The following ACSS2 variants were observed in gnomAD, a reference collection of about 807,000 sequenced individuals.
ACSS2 encodes the protein acyl-CoA synthetase short chain family member 2, also known as acetyl-coenzyme A synthetase, cytoplasmic.
ACSS2 carries 58 observed loss-of-function variants against 90.6 expected under a neutral mutation model. That is an observed-to-expected ratio of 0.64 (90% CI 0.52 to 0.80). The LOEUF (loss-of-function observed/expected upper bound fraction) is 0.80. Among genes scored for constraint, ACSS2 ranks in the 30% least tolerant of loss-of-function variants. ACSS2 has a pLI of 0.00. For synonymous variants in ACSS2, 300 were observed against 330.9 expected (o/e 0.91, Z 1.01); for missense variants, 759 against 912.0 (o/e 0.83, Z 2.16).
chr20:34,909,652 CCT>C (rs944960911), intron 2 of ACSS2, among the ~76,000 whole-genome samples: 2 of 151,992 alleles, frequency 1.3e-5, no homozygotes, highest in African/African-American at 4.8e-5. Context: ...TCTTCCTACC[CCT>C]GTTACCCTGT....
At chr20:34,879,496 G>GACACACACAC (rs11467604) in intron 1 of ACSS2, among the ~76,000 whole-genome samples, 1,830 of 147,854 alleles carry the variant, frequency 0.012, 24 homozygotes, top group African/African-American at 0.036. Context: ...TCCAGATTCT[G>GACACACACAC]ACACACACAC....
intron 2 of ACSS2, among the ~76,000 whole-genome samples, chr20:34,900,967 A>T (rs540794442): frequency 6.6e-5 from 10 of 152,340 alleles, no homozygotes; most frequent in African/African-American, 2.4e-4. Context: ...AGACTCAAGA[A>T]CTGTGCTATC....
Position 34,915,110 on chromosome 20 carries a change from G to A in ACSS2, c.834+673G>A, listed in dbSNP as rs1289062372. 4.3e-6 allele frequency: 5 copies of A among 1,174,950 alleles called. No homozygotes were observed. In the African/African-American group the frequency reaches 7.6e-5, roughly 18 times the overall value. 72.8% of individuals were successfully genotyped at this position (1,174,950 alleles called of 1,614,324 possible). ...AGGATCAGGAAAATGGAAGCTGGGA[G>A]GACCAGTGAGAAGGGAGTTTGGGGT... On this transcript the variant is annotated intron_variant, in intron 7 of 17. Coordinates refer to ENST00000360596, the MANE Select transcript of ACSS2 (RefSeq NM_018677.4).
At chr20:34,898,806 C>T (rs977502733) in intron 2 of ACSS2, among the ~76,000 whole-genome samples, 5 of 152,136 alleles carry the variant, frequency 3.3e-5, no homozygotes, top group African/African-American at 1.2e-4. Context: ...TGCCTGCACT[C>T]CTCAGCCCTT....
At chr20:34,906,713 T>G (rs911211862) in intron 2 of ACSS2, among the ~76,000 whole-genome samples, 2 of 152,160 alleles carry the variant, frequency 1.3e-5, no homozygotes, top group African/African-American at 2.4e-5. Context: ...CTGGGTGCAG[T>G]GGCTCACGCC....
At chr20:34,922,579 G>T (rs1447756632) in intron 13 of ACSS2, among the ~76,000 whole-genome samples, 1 of 152,174 alleles carries the variant, frequency 6.6e-6, no homozygotes, top group East Asian at 1.9e-4. Flanking sequence ...ACTTCATCCT[G>T]GGCAACAAGA....
intron 2 of ACSS2, among the ~76,000 whole-genome samples, chr20:34,899,588 C>T (rs1316036949): frequency 6.6e-6 from 1 of 151,696 alleles, no homozygotes; most frequent in Non-Finnish European, 1.5e-5. Context: ...CTCCCGGGTT[C>T]AAGCGATTCT....
intron 2 of ACSS2, among the ~76,000 whole-genome samples, chr20:34,899,248 C>A (rs916364391): frequency 1.3e-5 from 2 of 152,206 alleles, no homozygotes; most frequent in Non-Finnish European, 2.9e-5. Context: ...GAAAGGGGCT[C>A]CCACAGTGCA....
At chr20:34,926,349 T>TG in intron 16 of ACSS2, 68 bp downstream of exon 16, 1 of 1,549,418 alleles carries the variant, frequency 6.5e-7, no homozygotes, top group Non-Finnish European at 8.7e-7. Flanking sequence ...TGCAAGTTGT[T>TG]GGGGAGGGGC....
rs533348295 is a variant in ACSS2, at chr20:34,889,934, AAG to A, written c.374+6948_374+6949del. ...TGCAGCGGAAGTCGCAGCAGAGGTT[AAG>A]AGGATTCATCTGGATACATATGGAA... On this transcript the variant is annotated intron_variant, in intron 2 of 17. Coordinates refer to ENST00000360596, the MANE Select transcript of ACSS2 (RefSeq NM_018677.4). Among the ~76,000 whole-genome samples the A allele has an allele frequency of 1.3e-3, 203 of 152,318 alleles. 3 individuals are homozygous for A. The highest frequency in any genetic ancestry group is 4.7e-3 in the African/African-American group (196 of 41,574).
intron 13 of ACSS2, 127 bp from the exon 14 acceptor site, chr20:34,923,196 C>A: frequency 1.4e-6 from 1 of 694,486 alleles, no homozygotes; most frequent in Non-Finnish European, 2.5e-6. Flanking sequence ...GATTCCAAGC[C>A]AGGATCCTCT....
intron 12 of ACSS2, 52 bp from the exon 13 acceptor site, chr20:34,921,734 G>A: frequency 6.2e-7 from 1 of 1,610,376 alleles, no homozygotes. Context: ...TGGGAGTTGA[G>A]TCAGAGTTGC....
chr20:34,909,175 T>G (rs1266722774), intron 2 of ACSS2, among the ~76,000 whole-genome samples: 1 of 119,300 alleles, frequency 8.4e-6, no homozygotes, highest in Non-Finnish European at 1.6e-5. Flanking sequence ...CTGAGCAACA[T>G]AGTAGGATCC....
At chr20:34,876,930 G>C in intron 1 of ACSS2, 107 bp downstream of exon 1, 2 of 686,190 alleles carry the variant, frequency 2.9e-6, no homozygotes, top group East Asian at 6.9e-5. Flanking sequence ...GTGAGGAGAT[G>C]GAGGTTCTGT....
Position 34,892,026 on chromosome 20 carries a change from T to C in ACSS2, c.374+9037T>C, listed in dbSNP as rs149532973. Among the ~76,000 whole-genome samples, 11 of 152,360 alleles carry C rather than the reference T, an allele frequency of 7.2e-5. No homozygotes were observed. In the East Asian group the frequency reaches 1.7e-3, roughly 24 times the overall value. On this transcript the variant is annotated intron_variant, in intron 2 of 17. Coordinates refer to ENST00000360596, the MANE Select transcript of ACSS2 (RefSeq NM_018677.4). ...AAAAGAATGGCTTTAGTTAATGCCC[T>C]TTTCTAAGCCTTCTTTTTCCCACTT...
chr20:34,927,221 T>A lies in ACSS2; in HGVS notation c.*7T>A. 6.2e-7 allele frequency: 1 copy of A among 1,613,070 alleles called. No individual in the cohort carries two copies. The highest frequency in any genetic ancestry group is 8.5e-7 in the Non-Finnish European group (1 of 1,179,998). On this transcript the variant is annotated 3_prime_UTR_variant, in exon 18 of 18. Transcript: ENST00000360596. The surrounding 1 kb of genome is among the most constrained non-coding windows in gnomAD (Gnocchi z 4.2). ...CTGCCTGACCATCCAGTGAACATGA[T>A]CCTGACCTTTACCTAGGATTCCTCC...
intron 13 of ACSS2, 30 bp downstream of exon 13, chr20:34,921,896 G>A: frequency 2.5e-6 from 4 of 1,594,588 alleles, no homozygotes; most frequent in Non-Finnish European, 3.4e-6. Flanking sequence ...GAGTCTTTAA[G>A]GAGAGAGGGA....
At chr20:34,913,258 G>T in intron 3 of ACSS2, 71 bp downstream of exon 3, 1 of 1,570,664 alleles carries the variant, frequency 6.4e-7, no homozygotes, top group South Asian at 1.1e-5. Flanking sequence ...GACTTATGGG[G>T]AGAGGGCAAG....
chr20:34,918,075 C>G (rs2081114837), intron 7 of ACSS2, among the ~76,000 whole-genome samples: 1 of 152,164 alleles, frequency 6.6e-6, no homozygotes, highest in South Asian at 2.1e-4. Flanking sequence ...TTAAGTTTAA[C>G]TCCCAGTAGT....
Sources: allele counts gnomAD v4.1 joint callset (sites outside exome capture counted in the v4.1 genomes callset), GRCh38; gene constraint gnomAD v4.1.1; non-coding constraint Gnocchi (gnomAD v3.1); transcripts MANE v1.5; gene names NCBI Gene and HGNC (gene_info 2026-07-23, HGNC 2026-07-21).